Variants in LRP1B observed in about 807,000 individuals in gnomAD.
LRP1B encodes the protein LDL receptor related protein 1B.
Under a neutral mutation model 556.6 loss-of-function variants are expected in LRP1B, and 217 were observed. The observed-to-expected ratio is 0.39, with a 90% CI of 0.35 to 0.44. The LOEUF (loss-of-function observed/expected upper bound fraction) is 0.44. Ranked by LOEUF, LRP1B falls within the 20% of genes least tolerant of loss-of-function variation. The pLI is 1.00. For synonymous variants in LRP1B, 2,047 were observed against 1,865.8 expected (o/e 1.10, Z -2.50); for missense variants, 5,053 against 5,620.8 (o/e 0.90, Z 3.23).
At chr2:140,525,073 T>G (rs1690372180) in intron 49 of LRP1B, among the ~76,000 whole-genome samples, 1 of 151,922 alleles carries the variant, frequency 6.6e-6, no homozygotes, top group African/African-American at 2.4e-5. Context: ...GTAAAATACT[T>G]ATGAATATAA....
chr2:140,684,881 C>T (rs1685994311), intron 41 of LRP1B, among the ~76,000 whole-genome samples: 2 of 152,160 alleles, frequency 1.3e-5, no homozygotes, highest in Non-Finnish European at 2.9e-5. Context: ...AAATCAAATG[C>T]TTCTAACAAT....
At chr2:141,331,010 G>A (rs566712428) in intron 3 of LRP1B, among the ~76,000 whole-genome samples, 3 of 152,024 alleles carry the variant, frequency 2.0e-5, no homozygotes, top group South Asian at 2.1e-4. Context: ...CGTCCGCCTC[G>A]GCCTCCCAAA....
chr2:142,047,300 G>C (rs1704294307), intron 1 of LRP1B, among the ~76,000 whole-genome samples: 1 of 151,858 alleles, frequency 6.6e-6, no homozygotes, highest in Admixed American at 6.6e-5. Flanking sequence ...AACTGTCTTT[G>C]CTTGTTCCCA....
chr2:141,116,447 C>T (rs59907973), intron 7 of LRP1B, among the ~76,000 whole-genome samples: 2,035 of 152,144 alleles, frequency 0.013, 48 homozygotes, highest in African/African-American at 0.046. Context: ...GATAATTGTT[C>T]TTATTCCCCT....
chr2:140,881,702 T>C (rs905936456), intron 25 of LRP1B, among the ~76,000 whole-genome samples: 4 of 152,196 alleles, frequency 2.6e-5, no homozygotes, highest in Admixed American at 2.6e-4. Flanking sequence ...CACTGTTTCA[T>C]AGCAGCAATT....
rs369391920 is a variant in LRP1B, at chr2:140,291,318, A to ATATATATTTTTTTTTT, written c.12967+6489_12967+6490insAAAAAAAAAATATATA. ...TTATTTTATATATATATATATATATATTTTTATTATACTTTAAGTTCTAGG... is the reference window on the plus strand; with the variant it reads ...TTATTTTATATATATATATATATATATATATATTTTTTTTTTTTTTTATTATACTTTAAGTTCTAGG... On this transcript the variant is annotated intron_variant, in intron 84 of 90. Coordinates refer to ENST00000389484, the MANE Select transcript of LRP1B (RefSeq NM_018557.3). Among the ~76,000 whole-genome samples the ATATATATTTTTTTTTT allele has an allele frequency of 1.1e-4, 12 of 109,318 alleles. No homozygotes were observed. The East Asian group carries it at 2.7e-3, about 24-fold the overall frequency. 71.7% of individuals were successfully genotyped at this position (109,318 alleles called of 152,430 possible).
chr2:141,467,845 G>GGGGGGGGGGTTTC (rs1553518608), intron 3 of LRP1B, among the ~76,000 whole-genome samples: 3 of 127,360 alleles, frequency 2.4e-5, no homozygotes, highest in Non-Finnish European at 3.3e-5. Context: ...GGACCGGGGG[G>GGGGGGGGGGTTTC]GGGGGAATTC....
chr2:140,417,714 G>C (rs542203719), intron 66 of LRP1B, among the ~76,000 whole-genome samples: 2 of 152,164 alleles, frequency 1.3e-5, no homozygotes, highest in Non-Finnish European at 2.9e-5. Context: ...AGGTCAAAGA[G>C]GTTGCCCCTG....
intron 85 of LRP1B, among the ~76,000 whole-genome samples, chr2:140,273,270 T>G (rs964599010): frequency 6.6e-6 from 1 of 151,920 alleles, no homozygotes; most frequent in African/African-American, 2.4e-5. Flanking sequence ...CTAATTGAAA[T>G]ACAGTTCTGT....
At chr2:141,900,301 CTA>C (rs1699579102) in intron 1 of LRP1B, among the ~76,000 whole-genome samples, 1 of 152,130 alleles carries the variant, frequency 6.6e-6, no homozygotes, top group East Asian at 1.9e-4. Flanking sequence ...TGAAAAACTG[CTA>C]TGTTTCAAAC....
intron 2 of LRP1B, among the ~76,000 whole-genome samples, chr2:141,697,844 A>C (rs964151510): frequency 6.6e-6 from 1 of 151,992 alleles, no homozygotes; most frequent in Non-Finnish European, 1.5e-5. Flanking sequence ...CCCACAGTAC[A>C]TCAGCAGGAG....
chr2:140,326,804 C>T (rs1381815315), intron 79 of LRP1B, among the ~76,000 whole-genome samples: 1 of 152,040 alleles, frequency 6.6e-6, no homozygotes, highest in Non-Finnish European at 1.5e-5. Flanking sequence ...TCAGTTTCAT[C>T]ACAGGTAGAT....
At chr2:140,402,970 A>G (rs1413927315) in intron 66 of LRP1B, among the ~76,000 whole-genome samples, 1 of 152,214 alleles carries the variant, frequency 6.6e-6, no homozygotes, top group African/African-American at 2.4e-5. Context: ...CATCAAGTAC[A>G]TTGCTACTAC....
chr2:140,987,293 T>C (rs189506085), intron 17 of LRP1B, among the ~76,000 whole-genome samples: 42 of 152,248 alleles, frequency 2.8e-4, no homozygotes, highest in African/African-American at 9.1e-4. Flanking sequence ...GCTCTTAAGG[T>C]GGCATTTAAG....
At chr2:141,047,005 T>A (rs1698890370) in intron 11 of LRP1B, among the ~76,000 whole-genome samples, 1 of 58,400 alleles carries the variant, frequency 1.7e-5, no homozygotes, top group Admixed American at 1.9e-4. Context: ...TCACTTAAAC[T>A]TCGGAGGCGG....
In LRP1B at chr2:140,274,610, A is replaced by G. The variant is rs1682594469; in HGVS notation, c.12968-12T>C. 3 of 1,600,976 alleles carry G rather than the reference A, an allele frequency of 1.9e-6. No homozygotes were observed. The highest frequency in any genetic ancestry group is 1.7e-5 in the Admixed American group (1 of 57,834). ...GTGGTGGCACACGTCTAGGAAAAAA[A>G]GGCACAACAGAAAAATAAAATTATA... On this transcript the variant is annotated splice_polypyrimidine_tract_variant and intron_variant, in intron 84 of 90. Coordinates refer to ENST00000389484, the MANE Select transcript of LRP1B (RefSeq NM_018557.3).
intron 27 of LRP1B, among the ~76,000 whole-genome samples, chr2:140,852,827 T>C (rs1417326487): frequency 3.3e-5 from 5 of 152,146 alleles, no homozygotes; most frequent in Non-Finnish European, 7.3e-5. Flanking sequence ...TTATGTTCCT[T>C]GTTCTGTCAT....
chr2:141,962,442 C>A (rs1368752880), intron 1 of LRP1B, among the ~76,000 whole-genome samples: 4 of 151,630 alleles, frequency 2.6e-5, no homozygotes, highest in Non-Finnish European at 5.9e-5. Context: ...TATAATTAGC[C>A]AGAAAATGTT....
intron 66 of LRP1B, among the ~76,000 whole-genome samples, chr2:140,394,353 G>C (rs1684161345): frequency 6.6e-6 from 1 of 152,038 alleles, no homozygotes; most frequent in Non-Finnish European, 1.5e-5. Context: ...GTAATTTACT[G>C]CTGAAATGTG....
Sources: gnomAD v4.1 joint callset for allele counts (sites outside exome capture counted in the v4.1 genomes callset) on GRCh38, gnomAD v4.1.1 for gene constraint, MANE v1.5 for transcripts, NCBI Gene and HGNC (gene_info 2026-07-23, HGNC 2026-07-21) for gene names.